Variants in BASP1 observed in about 807,000 individuals in gnomAD.
BASP1 encodes brain acid soluble protein 1.
A neutral mutation model predicts 2.2 loss-of-function variants in BASP1; 1 was observed. The observed-to-expected ratio is 0.46, with a 90% CI of 0.16 to 2.17. The LOEUF is 2.17. BASP1 is among the 30% of genes most tolerant of loss of function. The pLI is 0.27. For missense variants in BASP1, 352 were observed against 327.2 expected (o/e 1.08, Z -0.58); for synonymous variants, 187 against 154.2 (o/e 1.21, Z -1.58).
At chr5:17,221,147 T>C (rs1739386318) in intron 1 of BASP1, among the ~76,000 whole-genome samples, 1 of 152,194 alleles carries the variant, frequency 6.6e-6, no homozygotes, top group Non-Finnish European at 1.5e-5. Flanking sequence ...TTTCTGTCTT[T>C]CTAAATATGT....
chr5:17,265,849 A>G (rs1740405766), intron 1 of BASP1, among the ~76,000 whole-genome samples: 2 of 152,230 alleles, frequency 1.3e-5, no homozygotes, highest in South Asian at 4.1e-4. Flanking sequence ...TAAATACTGC[A>G]GGAGTCTTGA....
intron 1 of BASP1, among the ~76,000 whole-genome samples, chr5:17,262,434 G>T (rs1203571520): frequency 6.6e-6 from 1 of 152,172 alleles, no homozygotes; most frequent in Non-Finnish European, 1.5e-5. Context: ...ATAACTGGTT[G>T]GTTGATCTTG....
intron 1 of BASP1, among the ~76,000 whole-genome samples, chr5:17,242,859 AAAG>A (rs979542471): frequency 1.4e-4 from 21 of 152,120 alleles, no homozygotes; most frequent in Admixed American, 1.2e-3. Flanking sequence ...AAAAAAAAAA[AAAG>A]GTAATCGTAA....
chr5:17,233,563 C>G (rs1391327044), intron 1 of BASP1, among the ~76,000 whole-genome samples: 1 of 152,118 alleles, frequency 6.6e-6, no homozygotes, highest in African/African-American at 2.4e-5. Context: ...TTTCGAGTCT[C>G]TAGTGCACCA....
chr5:17,245,542 A>G (rs1490137420), intron 1 of BASP1, among the ~76,000 whole-genome samples: 2 of 152,136 alleles, frequency 1.3e-5, no homozygotes, highest in Non-Finnish European at 2.9e-5. Flanking sequence ...TGGTTAATTT[A>G]TTTTTAAAAA....
At chr5:17,238,844 T>C (rs1051511147) in intron 1 of BASP1, among the ~76,000 whole-genome samples, 2 of 152,232 alleles carry the variant, frequency 1.3e-5, no homozygotes, top group Non-Finnish European at 2.9e-5. Context: ...GTGTCAGTTA[T>C]TAATCATCTG....
Position 17,230,801 on chromosome 5 carries a change from C to T in BASP1, c.-10+12991C>T, listed in dbSNP as rs368927387. Among the ~76,000 whole-genome samples, 19 of 152,190 alleles carry T rather than the reference C, an allele frequency of 1.2e-4. No homozygotes were observed. In the East Asian group the frequency reaches 2.1e-3, roughly 17 times the overall value. ...CAGGCTGGTCTCCAACTCCTGACCT[C>T]AAATGATCCACCCGCCTTGGCCTCC... On this transcript the variant is annotated intron_variant, in intron 1 of 1. Transcript: ENST00000322611.
rs59080603 is a variant in BASP1, at chr5:17,275,944, CCTCTCTCTCTCT to C, written c.*59_*70del. ...AAAACAATACCACTTAAAACAATCT[CCTCTCTCTCTCT>C]CTCTCTCTCTCTCTATCTCTCTCTC... is the stretch of plus-strand genomic sequence containing the variant. On this transcript the variant is annotated 3_prime_UTR_variant, in exon 2 of 2. Transcript: ENST00000322611. This position sits in a 1 kb window ranked among gnomAD's most constrained non-coding sequence, Gnocchi z 5.3. 4.1e-5 allele frequency: 44 copies of C among 1,084,410 alleles called. No homozygotes were observed. Among genetic ancestry groups the C allele is most frequent in the Admixed American group, 1.3e-4 (4 of 30,154 alleles). The allele number at this position is 1,084,410 out of a possible 1,614,324, so 67.2% of individuals were successfully genotyped here.
At chr5:17,261,306 G>A (rs1011639992) in intron 1 of BASP1, among the ~76,000 whole-genome samples, 2 of 152,164 alleles carry the variant, frequency 1.3e-5, no homozygotes, top group Non-Finnish European at 2.9e-5. Flanking sequence ...CACACAATAA[G>A]ACCTCTCCAG....
At chr5:17,227,442 C>T (rs2126490315) in intron 1 of BASP1, among the ~76,000 whole-genome samples, 1 of 152,060 alleles carries the variant, frequency 6.6e-6, no homozygotes, top group East Asian at 1.9e-4. Flanking sequence ...CGCCGTGTCG[C>T]CCAGGCTGGA....
chr5:17,244,569 C>T (rs904541550), intron 1 of BASP1, among the ~76,000 whole-genome samples: 1 of 152,290 alleles, frequency 6.6e-6, no homozygotes, highest in South Asian at 2.1e-4. Context: ...GACCCACAAG[C>T]ACACTGCCAT....
intron 1 of BASP1, among the ~76,000 whole-genome samples, chr5:17,235,264 C>CTTT (rs70943880): frequency 2.1e-5 from 3 of 141,866 alleles, no homozygotes; most frequent in South Asian, 2.3e-4. Flanking sequence ...TTATGTTTTT[C>CTTT]TTTTTTTTTT....
chr5:17,218,463 C>CAGA (rs1326091887), intron 1 of BASP1, among the ~76,000 whole-genome samples: 1 of 152,196 alleles, frequency 6.6e-6, no homozygotes, highest in African/African-American at 2.4e-5. Context: ...ACCTCCCGAG[C>CAGA]AGATCGGAGC....
chr5:17,258,685 C>T (rs1172400609), intron 1 of BASP1, among the ~76,000 whole-genome samples: 4 of 152,166 alleles, frequency 2.6e-5, no homozygotes, highest in Admixed American at 2.0e-4. Flanking sequence ...ATCCCCAAGT[C>T]TGGGGATGAA....
chr5:17,242,624 C>G (rs939319628), intron 1 of BASP1, among the ~76,000 whole-genome samples: 2 of 152,076 alleles, frequency 1.3e-5, no homozygotes, highest in Non-Finnish European at 2.9e-5. Context: ...TATAAATGCT[C>G]AAGTCAGGGC....
At chr5:17,246,883 G>A (rs1740001157) in intron 1 of BASP1, among the ~76,000 whole-genome samples, 2 of 152,094 alleles carry the variant, frequency 1.3e-5, no homozygotes, top group African/African-American at 4.8e-5. Context: ...CAGTTACCTT[G>A]TATCACCTTA....
chr5:17,256,495 AGTT>A (rs912550864), intron 1 of BASP1, among the ~76,000 whole-genome samples: 1 of 152,206 alleles, frequency 6.6e-6, no homozygotes, highest in African/African-American at 2.4e-5. Context: ...AATAGAATCT[AGTT>A]GTGTGTATAC....
chr5:17,251,854 T>C lies in BASP1; in HGVS notation c.-9-23354T>C, dbSNP rs1344014662. Among the ~76,000 whole-genome samples, 1 of 152,060 alleles carries C rather than the reference T, an allele frequency of 6.6e-6. No homozygotes were observed. The highest frequency in any genetic ancestry group is 1.9e-4 in the East Asian group (1 of 5,184). Reference sequence around the variant, plus strand: ...AGTGATGAGCTCACTTGGGGAAATGTTGAGTTTGAAGGACATCCTGTTGGG... The same window carrying C: ...AGTGATGAGCTCACTTGGGGAAATGCTGAGTTTGAAGGACATCCTGTTGGG... On this transcript the variant is annotated intron_variant, in intron 1 of 1. Coordinates refer to ENST00000322611, the MANE Select transcript of BASP1 (RefSeq NM_006317.5). This position sits in a 1 kb window ranked among gnomAD's most constrained non-coding sequence, Gnocchi z 4.0.
chr5:17,225,642 T>TA (rs1739485299), intron 1 of BASP1, among the ~76,000 whole-genome samples: 1 of 152,122 alleles, frequency 6.6e-6, no homozygotes, highest in Non-Finnish European at 1.5e-5. Context: ...GCTTTAGACT[T>TA]ATTTGGGGGC....
Sources: gnomAD v4.1 joint callset for allele counts (sites outside exome capture counted in the v4.1 genomes callset) on GRCh38, gnomAD v4.1.1 for gene constraint, Gnocchi (gnomAD v3.1) non-coding constraint, MANE v1.5 for transcripts, NCBI Gene and HGNC (gene_info 2026-07-23, HGNC 2026-07-21) for gene names.